GIT2: variants seen among roughly 807,000 people sequenced by gnomAD.
GIT2 encodes ARF GTPase-activating protein GIT2.
GIT2 carries 32 observed loss-of-function variants against 100.3 expected under a neutral mutation model. The ratio of observed to expected loss-of-function variants is 0.32; its 90% CI spans 0.24 to 0.43. The LOEUF is 0.43. Among genes scored for constraint, GIT2 ranks in the 20% least tolerant of loss-of-function variants. GIT2 has a pLI of 1.00. For missense variants in GIT2, 737 were observed against 975.1 expected (o/e 0.76, Z 3.25); for synonymous variants, 353 against 364.1 (o/e 0.97, Z 0.35).
Position 109,948,657 on chromosome 12 carries a change from C to A in GIT2, c.1393-1153G>T. The A allele has an allele frequency of 2.8e-6, 4 of 1,428,714 alleles. No individual in the cohort carries two copies. The highest frequency in any genetic ancestry group is 2.6e-5 in the East Asian group (1 of 38,688). The allele number at this position is 1,428,714 out of a possible 1,614,324, so 88.5% of individuals were successfully genotyped here. On this transcript the variant is annotated intron_variant, in intron 14 of 19. Transcript: ENST00000355312. The surrounding 1 kb of genome is among the most constrained non-coding windows in gnomAD (Gnocchi z 4.3). Reference sequence around the variant, plus strand: ...TTTGACAGAGATTGTAAAATCTGACCAAATTCCCCACCAGTGCCAAGGTTT... The same window carrying A: ...TTTGACAGAGATTGTAAAATCTGACAAAATTCCCCACCAGTGCCAAGGTTT...
At chr12:109,960,080 G>A (rs1209227507) in intron 11 of GIT2, 122 bp from the exon 12 acceptor site, 3 of 686,624 alleles carry the variant, frequency 4.4e-6, no homozygotes, top group African/African-American at 1.8e-5. Context: ...CATGATCAAA[G>A]TACAATTAAT....
intron 12 of GIT2, among the ~76,000 whole-genome samples, chr12:109,954,899 A>C (rs1381710055): frequency 1.3e-5 from 2 of 149,292 alleles, no homozygotes; most frequent in African/African-American, 5.1e-5. Flanking sequence ...TCTGTCTCAA[A>C]AAAAAAAAAA....
At chr12:109,996,854 G>GATCACTTGAGGCAGGAGT (rs1420743317), upstream of GIT2, among the ~76,000 whole-genome samples, 5 of 151,572 alleles carry the variant, frequency 3.3e-5, no homozygotes, top group Non-Finnish European at 5.9e-5. Flanking sequence ...GAGGCAGGAG[G>GATCACTTGAGGCAGGAGT]ATCACTTGAG....
chr12:109,985,802 G>A (rs1049937050), intron 4 of GIT2, among the ~76,000 whole-genome samples: 2 of 151,850 alleles, frequency 1.3e-5, no homozygotes, highest in Non-Finnish European at 2.9e-5. Flanking sequence ...GCAGTGAGCC[G>A]AGATCGTGCC....
chr12:109,932,704 A>G lies in GIT2; in HGVS notation c.*274T>C, dbSNP rs1565925359. The G allele has an allele frequency of 9.9e-6, 3 of 303,496 alleles. No homozygotes were observed. The allele number at this position is 303,496 out of a possible 1,614,324, so 18.8% of individuals were successfully genotyped here. On this transcript the variant is annotated 3_prime_UTR_variant, in exon 20 of 20. Coordinates refer to ENST00000355312, the MANE Select transcript of GIT2 (RefSeq NM_057169.5). ...TTCACAAACTTTAGACAATGAAACT[A>G]TACTTTTGGATGTATGTGATCAACT...
At chr12:109,973,207 C>T (rs535766526) in intron 7 of GIT2, among the ~76,000 whole-genome samples, 1 of 152,290 alleles carries the variant, frequency 6.6e-6, no homozygotes, top group South Asian at 2.1e-4. Flanking sequence ...GTTGCACAAT[C>T]TCAGCTCACT....
intron 17 of GIT2, 135 bp from the exon 18 acceptor site, chr12:109,938,703 G>A: frequency 1.6e-6 from 1 of 610,766 alleles, no homozygotes. Flanking sequence ...CTGTCTAGCA[G>A]GAGACTCATG....
rs915737038 is a variant in GIT2 at position 109,991,654 on chromosome 12, G to A, written c.159C>T (p.His53=). 3.1e-6 allele frequency: 5 copies of A among 1,612,958 alleles called. No individual in the cohort carries two copies. The highest frequency in any genetic ancestry group is 3.3e-5 in the Admixed American group (2 of 59,992). The change falls in exon 2 of 20, where the codon CAC becomes CAT. Residue 53 remains histidine, a synonymous_variant. Transcript: ENST00000355312. ...RHISQVRHLK[H]TPWPPTLLQM... Reference sequence around the variant, plus strand: ...GAAGCAGTGTTGGAGGCCACGGTGTGTGTTTCAGATGCCTCACTTGGGAGA... The same window carrying A: ...GAAGCAGTGTTGGAGGCCACGGTGTATGTTTCAGATGCCTCACTTGGGAGA...
intron 16 of GIT2, among the ~76,000 whole-genome samples, chr12:109,944,072 T>A (rs1875594018): frequency 6.6e-6 from 1 of 152,116 alleles, no homozygotes; most frequent in Non-Finnish European, 1.5e-5. Context: ...CTCAGAAGCC[T>A]GAAGTGGGAG....
chr12:109,968,686 G>A (rs1000726534), intron 7 of GIT2, among the ~76,000 whole-genome samples: 2 of 151,988 alleles, frequency 1.3e-5, no homozygotes, highest in South Asian at 2.1e-4. Flanking sequence ...GCCTCCCAAA[G>A]TGCTGGGATT....
At chr12:109,979,336 C>A (rs535927850) in intron 7 of GIT2, among the ~76,000 whole-genome samples, 3 of 135,590 alleles carry the variant, frequency 2.2e-5, no homozygotes, top group Admixed American at 8.5e-5. Flanking sequence ...AGTGCAGTGG[C>A]GCAATCTTGG....
chr12:109,969,515 T>C (rs1006114504), intron 7 of GIT2, among the ~76,000 whole-genome samples: 10 of 152,202 alleles, frequency 6.6e-5, no homozygotes, highest in Admixed American at 5.2e-4. Context: ...TTTTCTTTTA[T>C]GCATTGAGTT....
intron 2 of GIT2, 38 bp downstream of exon 2, chr12:109,991,589 G>T: frequency 6.4e-7 from 1 of 1,564,952 alleles, no homozygotes; most frequent in Non-Finnish European, 8.8e-7. Context: ...GCCCTAAAAT[G>T]TAAATTACCA....
upstream of GIT2, chr12:109,998,513 G>T (rs1889754047): frequency 1.3e-5 from 2 of 152,272 alleles, no homozygotes; most frequent in Non-Finnish European, 2.9e-5. Flanking sequence ...CCCATGAGTA[G>T]CTAGCTGTAA....
chr12:109,939,120 G>T, intron 17 of GIT2, 45 bp downstream of exon 17: 2 of 1,158,868 alleles, frequency 1.7e-6, no homozygotes, highest in South Asian at 1.2e-5. Context: ...CAGGTCTCTG[G>T]CCCTGGGGAG....
intron 12 of GIT2, chr12:109,953,448 A>C: frequency 1.9e-6 from 1 of 514,214 alleles, no homozygotes; most frequent in Non-Finnish European, 3.5e-6. Context: ...ATGAGACTCC[A>C]TCCCTACACA....
chr12:109,991,799 C>T, intron 1 of GIT2, 39 bp from the exon 2 acceptor site: 1 of 1,588,426 alleles, frequency 6.3e-7, no homozygotes, highest in East Asian at 2.3e-5. Context: ...GGGATACCAG[C>T]AGGTTGCTAT....
rs111855474 is a variant in GIT2 at position 109,978,076 on chromosome 12, GTTTTT to G, written c.718+2871_718+2875del. Reference sequence around the variant, plus strand: ...TTTATGTCTTTCACCAAATTTAGAGGTTTTTTTTTTTTTTTTTTTTTTTTGAGACG... The same window carrying G: ...TTTATGTCTTTCACCAAATTTAGAGGTTTTTTTTTTTTTTTTTTTGAGACG... On this transcript the variant is annotated intron_variant, in intron 7 of 19. Coordinates refer to ENST00000355312, the MANE Select transcript of GIT2 (RefSeq NM_057169.5). 1.6e-3 allele frequency among the ~76,000 whole-genome samples: 146 copies of G among 93,518 alleles called. 1 individual carries two copies. The highest frequency in any genetic ancestry group is 5.9e-3 in the African/African-American group (142 of 24,214). The allele number at this position is 93,518 out of a possible 152,430, so 61.4% of individuals were successfully genotyped here.
intron 7 of GIT2, among the ~76,000 whole-genome samples, chr12:109,975,202 T>C (rs1292137468): frequency 6.6e-6 from 1 of 152,124 alleles, no homozygotes; most frequent in African/African-American, 2.4e-5. Context: ...TTAGGCCTTA[T>C]GGTTTTTTGT....
Sources: allele counts gnomAD v4.1 joint callset (sites outside exome capture counted in the v4.1 genomes callset), GRCh38; gene constraint gnomAD v4.1.1; non-coding constraint Gnocchi (gnomAD v3.1); transcripts MANE v1.5; gene names NCBI Gene and HGNC (gene_info 2026-07-23, HGNC 2026-07-21).